Variants in ADAM22 observed in about 807,000 individuals in gnomAD.
The protein encoded by ADAM22 is disintegrin and metalloproteinase domain-containing protein 22.
Under a neutral mutation model 144.6 loss-of-function variants are expected in ADAM22, and 65 were observed. The ratio of observed to expected loss-of-function variants is 0.45; its 90% CI spans 0.37 to 0.55. The LOEUF is 0.55. Ranked by LOEUF, ADAM22 falls within the 20% of genes least tolerant of loss-of-function variation. The probability of loss-of-function intolerance (pLI) is 0.00; values close to 1 mark genes in which losing one functional copy is unlikely to be tolerated. For synonymous variants in ADAM22, 391 were observed against 412.6 expected (o/e 0.95, Z 0.63); for missense variants, 974 against 1,184.9 (o/e 0.82, Z 2.61).
chr7:88,161,076 C>T (rs1023038102), intron 22 of ADAM22, among the ~76,000 whole-genome samples: 12 of 151,580 alleles, frequency 7.9e-5, no homozygotes, highest in South Asian at 2.1e-4. Flanking sequence ...CAAACCTGCA[C>T]GTTGTGCACA....
At chr7:87,989,042 A>C (rs577896950) in intron 3 of ADAM22, among the ~76,000 whole-genome samples, 110 of 152,328 alleles carry the variant, frequency 7.2e-4, no homozygotes, top group Non-Finnish European at 1.2e-3. Flanking sequence ...CTGTTTGTGT[A>C]TGCTTTGTTT....
chr7:88,192,264 A>G lies in ADAM22; in HGVS notation c.2751-852A>G, dbSNP rs539668697. Among the ~76,000 whole-genome samples, 31 of 152,352 alleles carry G rather than the reference A, an allele frequency of 2.0e-4. No homozygotes were observed. The South Asian group carries it at 5.8e-3, about 29-fold the overall frequency. On this transcript the variant is annotated intron_variant, in intron 30 of 31. Transcript: ENST00000413139. ...GTGTAGTGGTAACGTTTGTGAATGG[A>G]ATAGCTACTACAGTTATCACATCTG... is the stretch of plus-strand genomic sequence containing the variant.
intron 3 of ADAM22, among the ~76,000 whole-genome samples, chr7:87,999,936 G>A (rs894026669): frequency 1.5e-4 from 23 of 151,202 alleles, no homozygotes; most frequent in Non-Finnish European, 2.1e-4. Context: ...AATTGCACCT[G>A]TGAATTAGAC....
At chr7:88,033,065 T>G (rs1432930695) in intron 3 of ADAM22, among the ~76,000 whole-genome samples, 1 of 152,344 alleles carries the variant, frequency 6.6e-6, no homozygotes, top group East Asian at 1.9e-4. Flanking sequence ...TTAAGTCATG[T>G]TTTTCTGGTC....
intron 21 of ADAM22, among the ~76,000 whole-genome samples, chr7:88,154,530 T>C (rs1035609168): frequency 5.9e-5 from 9 of 152,196 alleles, no homozygotes; most frequent in Non-Finnish European, 1.2e-4. Context: ...ATTATCTCTC[T>C]CTTCTTTGAA....
intron 2 of ADAM22, among the ~76,000 whole-genome samples, chr7:87,968,757 G>C (rs1849730491): frequency 6.6e-6 from 1 of 152,140 alleles, no homozygotes; most frequent in Non-Finnish European, 1.5e-5. Context: ...AAGTGTATTA[G>C]TCTGTTCTTA....
At chr7:88,118,813 T>G (rs2129491775) in intron 7 of ADAM22, among the ~76,000 whole-genome samples, 1 of 152,270 alleles carries the variant, frequency 6.6e-6, no homozygotes, top group Non-Finnish European at 1.5e-5. Flanking sequence ...TCTAGTTTTC[T>G]TTTCTCATCA....
intron 23 of ADAM22, 41 bp from the exon 24 acceptor site, chr7:88,165,791 C>T: frequency 2.2e-6 from 3 of 1,387,758 alleles, no homozygotes; most frequent in Non-Finnish European, 3.0e-6. Flanking sequence ...GCTTCTGTAC[C>T]AGAGAGTTGA....
At chr7:88,025,112 C>T (rs1400027882) in intron 3 of ADAM22, among the ~76,000 whole-genome samples, 1 of 152,132 alleles carries the variant, frequency 6.6e-6, no homozygotes, top group Non-Finnish European at 1.5e-5. Flanking sequence ...TTCTAGATCC[C>T]TGAGGAATTG....
chr7:88,147,667 AG>A (rs1836939540), intron 17 of ADAM22, among the ~76,000 whole-genome samples: 1 of 152,158 alleles, frequency 6.6e-6, no homozygotes, highest in Admixed American at 6.6e-5. Flanking sequence ...TTTATTGGCA[AG>A]GATTTTGGTT....
At chr7:88,180,185 C>A (rs374416498) in intron 27 of ADAM22, among the ~76,000 whole-genome samples, 4 of 152,138 alleles carry the variant, frequency 2.6e-5, no homozygotes, top group African/African-American at 9.6e-5. Context: ...AAAGTAGAAA[C>A]ACTAGTTGTC....
chr7:87,940,401 T>A (rs1166559470), intron 2 of ADAM22, among the ~76,000 whole-genome samples: 1 of 152,180 alleles, frequency 6.6e-6, no homozygotes, highest in South Asian at 2.1e-4. Flanking sequence ...TACAATGATA[T>A]AAACCACATT....
chr7:88,061,839 C>CTTTTT (rs60313970), intron 3 of ADAM22, among the ~76,000 whole-genome samples: 5 of 112,030 alleles, frequency 4.5e-5, no homozygotes, highest in Non-Finnish European at 8.7e-5. Context: ...CTCTCTCTCT[C>CTTTTT]TTTTTTTTTT....
At chr7:88,026,423 C>T (rs1393134110) in intron 3 of ADAM22, among the ~76,000 whole-genome samples, 1 of 152,126 alleles carries the variant, frequency 6.6e-6, no homozygotes, top group Non-Finnish European at 1.5e-5. Flanking sequence ...CGGTGCTAAC[C>T]CATTCATGAG....
rs112572744 is a variant in ADAM22 at position 87,968,876 on chromosome 7, A to T, written c.247-9460A>T. ...CTTTTGCTTCTGGGGAGACCTCAGG[A>T]AACTTAAAATCATGGCAGAAGGTGA... On this transcript the variant is annotated intron_variant, in intron 2 of 31. Coordinates refer to ENST00000413139, the MANE Select transcript of ADAM22 (RefSeq NM_001324418.2). Among the ~76,000 whole-genome samples the T allele has an allele frequency of 6.2e-3, 951 of 152,244 alleles. 12 individuals are homozygous for T. Among genetic ancestry groups the T allele is most frequent in the African/African-American group, 0.022 (904 of 41,536 alleles).
rs184864775 is a variant in ADAM22, at chr7:88,062,238, A to G, written c.324-13388A>G. ...CTTCCAATAAAAGGCTGTTTTGTCT[A>G]TGTTGAAAATCTGTTGTGTGCTATA... On this transcript the variant is annotated intron_variant, in intron 3 of 31. Coordinates refer to ENST00000413139, the MANE Select transcript of ADAM22 (RefSeq NM_001324418.2). Among the ~76,000 whole-genome samples, 83 of 152,280 alleles carry G rather than the reference A, an allele frequency of 5.5e-4. 1 individual carries two copies. The highest frequency in any genetic ancestry group is 1.9e-3 in the African/African-American group (79 of 41,562).
chr7:87,947,517 TA>T (rs796193456), intron 2 of ADAM22, among the ~76,000 whole-genome samples: 404 of 138,728 alleles, frequency 2.9e-3, no homozygotes, highest in Middle Eastern at 3.7e-3. Context: ...TCCTCTAAAG[TA>T]AAAAAAAAAA....
At chr7:87,967,886 G>T (rs1849533266) in intron 2 of ADAM22, among the ~76,000 whole-genome samples, 1 of 150,052 alleles carries the variant, frequency 6.7e-6, no homozygotes, top group Non-Finnish European at 1.5e-5. Context: ...CAGAGATATT[G>T]GCCCTCAATT....
At chr7:88,131,646 G>T in intron 11 of ADAM22, 1 of 552,976 alleles carries the variant, frequency 1.8e-6, no homozygotes, top group Non-Finnish European at 3.2e-6. Flanking sequence ...ATTATTTAAT[G>T]TTTAATTTTT....
Sources: gnomAD v4.1 joint callset for allele counts (sites outside exome capture counted in the v4.1 genomes callset) on GRCh38, gnomAD v4.1.1 for gene constraint, MANE v1.5 for transcripts, NCBI Gene and HGNC (gene_info 2026-07-23, HGNC 2026-07-21) for gene names.